The following THSD7B variants were observed in gnomAD, a reference collection of about 807,000 sequenced individuals.
The protein encoded by THSD7B is thrombospondin type-1 domain-containing protein 7B.
THSD7B carries 138 observed loss-of-function variants against 213.6 expected under a neutral mutation model. The ratio of observed to expected loss-of-function variants is 0.65; its 90% confidence interval spans 0.56 to 0.74. The LOEUF is 0.74. Among genes scored for constraint, THSD7B ranks in the 30% least tolerant of loss-of-function variants. The probability of loss-of-function intolerance (pLI) is 0.00; values close to 1 mark genes in which losing one functional copy is unlikely to be tolerated. For synonymous variants in THSD7B, 742 were observed against 687.0 expected (o/e 1.08, Z -1.25); for missense variants, 1,931 against 1,991.5 (o/e 0.97, Z 0.58).
intron 14 of THSD7B, among the ~76,000 whole-genome samples, chr2:137,438,143 C>T (rs1687330979): frequency 6.6e-6 from 1 of 152,090 alleles, no homozygotes; most frequent in African/African-American, 2.4e-5. Context: ...CAATAATTAC[C>T]TCCACTTTAG....
At chr2:137,197,137 G>A (rs796304548) in intron 7 of THSD7B, among the ~76,000 whole-genome samples, 11 of 152,200 alleles carry the variant, frequency 7.2e-5, no homozygotes, top group African/African-American at 2.6e-4. Flanking sequence ...AGTGACTGTG[G>A]GACTTTTTCA....
chr2:136,965,010 CA>C (rs70975732), intron 2 of THSD7B, among the ~76,000 whole-genome samples: 23,684 of 117,946 alleles, frequency 0.2, 1,919 homozygotes, highest in Non-Finnish European at 0.25. Context: ...GACCCTGTCT[CA>C]AAAAAAAAAA....
intron 2 of THSD7B, among the ~76,000 whole-genome samples, chr2:136,962,386 A>G (rs7585449): frequency 0.071 from 10,550 of 147,630 alleles, 604 homozygotes; most frequent in African/African-American, 0.15. Context: ...GTAACACACT[A>G]TACATAAATC....
chr2:137,546,310 A>G (rs1423497553), intron 15 of THSD7B, among the ~76,000 whole-genome samples: 1 of 120,728 alleles, frequency 8.3e-6, no homozygotes. Flanking sequence ...AAGCATATTC[A>G]TATTCATTTC....
intron 15 of THSD7B, among the ~76,000 whole-genome samples, chr2:137,533,609 C>T (rs1412574217): frequency 3.3e-5 from 5 of 151,886 alleles, no homozygotes; most frequent in African/African-American, 1.2e-4. Flanking sequence ...CAATGATATG[C>T]AAAACATTGC....
intron 14 of THSD7B, among the ~76,000 whole-genome samples, chr2:137,436,458 C>G (rs1687293302): frequency 6.6e-6 from 1 of 152,166 alleles, no homozygotes; most frequent in African/African-American, 2.4e-5. Flanking sequence ...GATTCCAGAG[C>G]TTGTTCCCTA....
chr2:136,790,325 T>A (rs1470949017), intron 1 of THSD7B, among the ~76,000 whole-genome samples: 5 of 152,080 alleles, frequency 3.3e-5, no homozygotes, highest in Non-Finnish European at 5.9e-5. Flanking sequence ...CCTTATTTAA[T>A]ATCTTAAAAT....
In THSD7B at chr2:137,672,534, T is replaced by C. The variant is rs1051350917; in HGVS notation, c.4740-3990T>C. ...TTGACCTATTACAGACCTATTGTTA[T>C]AAAAACACGTACCTTTTACTGTTAC... On this transcript the variant is annotated intron_variant, in intron 27 of 27. Transcript: ENST00000409968. Among the ~76,000 whole-genome samples, 7 of 152,332 alleles carry C rather than the reference T, an allele frequency of 4.6e-5. 1 individual carries two copies. Among genetic ancestry groups the C allele is most frequent in the African/African-American group, 1.4e-4 (6 of 41,576 alleles).
intron 2 of THSD7B, among the ~76,000 whole-genome samples, chr2:137,045,006 C>T (rs928008374): frequency 6.6e-6 from 1 of 152,242 alleles, no homozygotes; most frequent in Non-Finnish European, 1.5e-5. Context: ...CTCTTCCTGT[C>T]TTCCACCTAA....
intron 17 of THSD7B, 49 bp from the exon 18 acceptor site, chr2:137,616,126 T>A: frequency 6.3e-7 from 1 of 1,594,776 alleles, no homozygotes; most frequent in Non-Finnish European, 8.5e-7. Flanking sequence ...TTATATAATT[T>A]ATCAAATAAC....
intron 17 of THSD7B, among the ~76,000 whole-genome samples, chr2:137,579,784 T>A (rs1681537694): frequency 6.6e-6 from 1 of 152,170 alleles, no homozygotes; most frequent in South Asian, 2.1e-4. Flanking sequence ...TCAGATAAGT[T>A]TTCTAGCTTC....
At chr2:137,305,941 C>T (rs1683731095) in intron 12 of THSD7B, among the ~76,000 whole-genome samples, 1 of 152,192 alleles carries the variant, frequency 6.6e-6, no homozygotes, top group Non-Finnish European at 1.5e-5. Flanking sequence ...GCAATGATAA[C>T]ACAATGGTAA....
At chr2:137,667,723 G>A in intron 26 of THSD7B, 51 bp from the exon 27 acceptor site, 2 of 1,462,442 alleles carry the variant, frequency 1.4e-6, no homozygotes, top group Non-Finnish European at 1.9e-6. Context: ...TCTCTCAAAT[G>A]CTGCAGACTT....
chr2:137,597,680 T>G (rs1214276075), intron 17 of THSD7B, among the ~76,000 whole-genome samples: 1 of 152,070 alleles, frequency 6.6e-6, no homozygotes, highest in Non-Finnish European at 1.5e-5. Flanking sequence ...GTATATTATG[T>G]TTCAGACACA....
chr2:137,296,399 C>A (rs1159227176), intron 12 of THSD7B, among the ~76,000 whole-genome samples: 1 of 152,076 alleles, frequency 6.6e-6, no homozygotes, highest in Non-Finnish European at 1.5e-5. Flanking sequence ...GAACTTACAA[C>A]AAAATAGAGG....
chr2:136,872,293 C>T (rs901324916), intron 1 of THSD7B, among the ~76,000 whole-genome samples: 5 of 149,144 alleles, frequency 3.4e-5, no homozygotes, highest in African/African-American at 1.2e-4. Flanking sequence ...GGCACATATC[C>T]CCATGGCTTC....
intron 3 of THSD7B, among the ~76,000 whole-genome samples, chr2:137,074,554 G>A (rs1192833979): frequency 6.6e-6 from 1 of 152,162 alleles, no homozygotes; most frequent in African/African-American, 2.4e-5. Context: ...GCCAGTCTGT[G>A]TCTTTTAATT....
intron 12 of THSD7B, among the ~76,000 whole-genome samples, chr2:137,362,978 A>G (rs1251224571): frequency 1.3e-5 from 2 of 152,216 alleles, no homozygotes; most frequent in Non-Finnish European, 2.9e-5. Flanking sequence ...TTGACCACAT[A>G]GTTGGGAGTA....
At chr2:137,468,699 T>C (rs1298835503) in intron 15 of THSD7B, among the ~76,000 whole-genome samples, 1 of 151,896 alleles carries the variant, frequency 6.6e-6, no homozygotes, top group Non-Finnish European at 1.5e-5. Flanking sequence ...TTTCTCTGAG[T>C]AAATTGAGTC....
Sources: gnomAD v4.1 joint callset for allele counts (sites outside exome capture counted in the v4.1 genomes callset) on GRCh38, gnomAD v4.1.1 for gene constraint, MANE v1.5 for transcripts, NCBI Gene and HGNC (gene_info 2026-07-23, HGNC 2026-07-21) for gene names.